Variants in USP22 observed in about 807,000 individuals in gnomAD.
USP22 encodes the protein ubiquitin carboxyl-terminal hydrolase 22.
Under a neutral mutation model 68.1 loss-of-function variants are expected in USP22, and 22 were observed. The ratio of observed to expected loss-of-function variants is 0.32; its 90% confidence interval spans 0.23 to 0.46. USP22 has a LOEUF of 0.46. Among genes scored for constraint, USP22 ranks in the 20% least tolerant of loss-of-function variants. USP22 has a pLI of 1.00. For missense variants in USP22, 433 were observed against 695.8 expected (o/e 0.62, Z 4.25); for synonymous variants, 279 against 274.2 (o/e 1.02, Z -0.17).
chr17:21,018,200 A>G, intron 4 of USP22, 89 bp from the exon 5 acceptor site: 2 of 1,288,658 alleles, frequency 1.6e-6, no homozygotes, highest in East Asian at 2.5e-5. Flanking sequence ...ACCTCTACAT[A>G]CTCATTTTCT....
intron 2 of USP22, among the ~76,000 whole-genome samples, chr17:21,027,299 A>AAAAAAAAAAAAAAAAAAAAAAAC (rs1972234238): frequency 6.9e-6 from 1 of 144,224 alleles, no homozygotes; most frequent in Non-Finnish European, 1.6e-5. Context: ...CTCCAAAAAA[A>AAAAAAAAAAAAAAAAAAAAAAAC]AAAAAAAAAA....
chr17:21,029,570 T>A (rs1410128617), intron 1 of USP22, among the ~76,000 whole-genome samples: 2 of 152,230 alleles, frequency 1.3e-5, no homozygotes, highest in Non-Finnish European at 2.9e-5. Context: ...CATCAGTAGA[T>A]GCTAGAACCA....
rs538373117 is a variant in USP22, at chr17:21,004,040, C to T, written c.1535+162G>A. Reference sequence around the variant, plus strand: ...GCACCTCTTCTCCCACCTGAGCACCCATCGAGGCTGGCATCCTATCCAGAA... The same window carrying T: ...GCACCTCTTCTCCCACCTGAGCACCTATCGAGGCTGGCATCCTATCCAGAA... On this transcript the variant is annotated intron_variant, in intron 12 of 12. Coordinates refer to ENST00000261497, the MANE Select transcript of USP22 (RefSeq NM_015276.2). 5.9e-5 allele frequency among the ~76,000 whole-genome samples: 9 copies of T among 152,318 alleles called. No homozygotes were observed. In the East Asian group the frequency reaches 1.7e-3, roughly 29 times the overall value.
At position 21,003,138 on chromosome 17, in the gene USP22, A is replaced by G. The variant is rs1913650350; in HGVS notation, c.1536-65T>C. ...CCTAAGACAGGAGCCAGAACAACCC[A>G]CCCTACACAAAAGCCTACGTGCTCT... is the stretch of plus-strand genomic sequence containing the variant. On this transcript the variant is annotated intron_variant, in intron 12 of 12. Transcript: ENST00000261497. The G allele has an allele frequency of 3.1e-6, 5 of 1,589,074 alleles. No individual in the cohort carries two copies. In the South Asian group the frequency reaches 5.5e-5, roughly 18 times the overall value.
Position 21,012,865 on chromosome 17 carries a change from G to A in USP22, c.909C>T (p.Gly303=), listed in dbSNP as rs1185452833. 1.2e-6 allele frequency: 2 copies of A among 1,613,854 alleles called. No individual in the cohort carries two copies. Among genetic ancestry groups the A allele is most frequent in the Non-Finnish European group, 1.7e-6 (2 of 1,180,024 alleles). Residue 303 remains glycine, a synonymous_variant, in exon 7 of 13, where the codon GGC becomes GGT. Coordinates refer to ENST00000261497, the MANE Select transcript of USP22 (RefSeq NM_015276.2). ...CNCIIDQIFT[G]GLQSDVTCQV... is the part of the protein sequence containing the mutation. Reference sequence around the variant, plus strand: ...GGCAGGTGACGTCTGACTGCAACCCGCCTGTGAAGATCTGGTCTATGATGC... The same window carrying A: ...GGCAGGTGACGTCTGACTGCAACCCACCTGTGAAGATCTGGTCTATGATGC...
intron 2 of USP22, among the ~76,000 whole-genome samples, chr17:21,023,248 T>C (rs1972179054): frequency 6.6e-6 from 1 of 152,198 alleles, no homozygotes; most frequent in Admixed American, 6.5e-5. Context: ...CTACAGTACA[T>C]ACCCAGGTGA....
chr17:21,021,204 G>A lies in USP22; in HGVS notation c.327C>T (p.Gly109=). The change falls in exon 3 of 13, where the codon GGC becomes GGT. Residue 109 remains glycine, a synonymous_variant. Coordinates refer to ENST00000261497, the MANE Select transcript of USP22 (RefSeq NM_015276.2). ...HNLAIDLMYG[G]IYCFLCQDYI... The stretch of plus-strand genomic sequence containing the variant: ...AGTCCTGGCACAGAAAACAGTAGAT[G>A]CCTCCGTACATCAGATCAATGGCTG... 6.2e-7 allele frequency: 1 copy of A among 1,613,312 alleles called. No homozygotes were observed. Among genetic ancestry groups the A allele is most frequent in the Middle Eastern group, 1.7e-4 (1 of 6,052 alleles).
At chr17:21,043,071 C>A (rs1367392953), upstream of USP22, 2 of 178,704 alleles carry the variant, frequency 1.1e-5, no homozygotes, top group Non-Finnish European at 2.1e-5. Flanking sequence ...TCTCGCGGTT[C>A]GCGGAGGGTG....
At chr17:21,009,847 C>T (rs189203754) in intron 8 of USP22, among the ~76,000 whole-genome samples, 8 of 151,784 alleles carry the variant, frequency 5.3e-5, no homozygotes, top group South Asian at 2.1e-4. Flanking sequence ...CCCAGCCACT[C>T]GGGAGGTTGA....
upstream of USP22, chr17:21,043,402 T>A (rs1011883291): frequency 3.7e-5 from 12 of 325,514 alleles, no homozygotes; most frequent in African/African-American, 2.8e-4. Flanking sequence ...AGACGTTCCC[T>A]GTCTCTTCCA....
intron 8 of USP22, among the ~76,000 whole-genome samples, chr17:21,008,598 G>A (rs1913850792): frequency 1.3e-5 from 2 of 152,140 alleles, no homozygotes; most frequent in Non-Finnish European, 1.5e-5. Context: ...GGGTGACTGC[G>A]GTTACAGAGT....
chr17:21,035,372 G>A (rs1382188386), intron 1 of USP22, among the ~76,000 whole-genome samples: 1 of 152,154 alleles, frequency 6.6e-6, no homozygotes, highest in Non-Finnish European at 1.5e-5. Context: ...ATATCCATTA[G>A]GCGGGTCATT....
chr17:21,019,177 C>G lies in USP22; in HGVS notation c.427G>C (p.Glu143Gln), dbSNP rs1041644018. 1.9e-6 allele frequency: 3 copies of G among 1,613,952 alleles called. No homozygotes were observed. The highest frequency in any genetic ancestry group is 2.5e-6 in the Non-Finnish European group (3 of 1,179,950). The change falls in exon 4 of 13, where the codon GAG becomes CAG. Residue 143 changes from glutamate to glutamine, a missense_variant. By Grantham distance (29) the Glu-to-Gln change is conservative. Coordinates refer to ENST00000261497, the MANE Select transcript of USP22 (RefSeq NM_015276.2). ...RKAWKMQGVG[E>Q]KFSTWEPTKR... Reference sequence around the variant, plus strand: ...GTTGGTTCCCAAGTTGAAAACTTCTCTCCAACGCCTAAGCAGATGAAGGAC... The same window carrying G: ...GTTGGTTCCCAAGTTGAAAACTTCTGTCCAACGCCTAAGCAGATGAAGGAC...
At chr17:21,004,153 G>C in intron 12 of USP22, 49 bp downstream of exon 12, 4 of 1,598,984 alleles carry the variant, frequency 2.5e-6, no homozygotes, top group Non-Finnish European at 3.4e-6. Context: ...TACCGGAGGG[G>C]AAGCACCGTA....
At chr17:21,035,848 G>C (rs1195167016) in intron 1 of USP22, among the ~76,000 whole-genome samples, 1 of 151,902 alleles carries the variant, frequency 6.6e-6, no homozygotes, top group Non-Finnish European at 1.5e-5. Flanking sequence ...GGCTAACACA[G>C]TGAAACCCAG....
chr17:21,028,609 A>G lies in USP22; in HGVS notation c.237T>C (p.Cys79=), dbSNP rs769380391. 1.2e-6 allele frequency: 2 copies of G among 1,613,928 alleles called. No individual in the cohort carries two copies. The highest frequency in any genetic ancestry group is 2.7e-5 in the African/African-American group (2 of 74,876). ...TCTTTGTGAAACAGCCGAAGAAGAC[A>G]CAGTAGAGGCAGGAATGCAGCCTGT... ...HLNRLHSCLY[C]VFFGCFTKKH... The change falls in exon 2 of 13, where the codon TGT becomes TGC. Residue 79 remains cysteine (C), a synonymous_variant. Coordinates refer to ENST00000261497, the MANE Select transcript of USP22 (RefSeq NM_015276.2).
intron 1 of USP22, among the ~76,000 whole-genome samples, chr17:21,042,424 G>T (rs1302891804): frequency 6.7e-6 from 1 of 148,474 alleles, no homozygotes; most frequent in Non-Finnish European, 1.5e-5. Flanking sequence ...GGAAGAATGG[G>T]GGAAGGGGGG....
intron 3 of USP22, among the ~76,000 whole-genome samples, chr17:21,020,417 C>T (rs1013700960): frequency 8.5e-5 from 13 of 152,208 alleles, no homozygotes; most frequent in Non-Finnish European, 1.6e-4. Context: ...GTGCGAGAGC[C>T]GTGAGGGCAG....
In USP22 at chr17:21,009,091, CAAAAAAAAAA is replaced by C. The variant is rs56665164; in HGVS notation, c.1104-1105_1104-1096del. ...GGGCAACAAGAGCAAGACTCCATTT[CAAAAAAAAAA>C]AAAAAAAAAAAAAAAGGCAAGAGGA... On this transcript the variant is annotated intron_variant, in intron 8 of 12. Transcript: ENST00000261497. 6.5e-5 allele frequency among the ~76,000 whole-genome samples: 6 copies of C among 91,906 alleles called. No individual in the cohort carries two copies. In the South Asian group the frequency reaches 1.1e-3, roughly 17 times the overall value. 60.3% of individuals were successfully genotyped at this position (91,906 alleles called of 152,430 possible). A position where few individuals can be genotyped will look rare whatever the true frequency, so the allele number is the denominator to read the frequency against.
Sources: allele counts gnomAD v4.1 joint callset (sites outside exome capture counted in the v4.1 genomes callset), GRCh38; gene constraint gnomAD v4.1.1; transcripts MANE v1.5; gene names NCBI Gene and HGNC (gene_info 2026-07-23, HGNC 2026-07-21).